The following NRG2 variants were observed in gnomAD, a reference collection of about 807,000 sequenced individuals.
NRG2 encodes the protein neuregulin 2, also known as pro-neuregulin-2, membrane-bound isoform.
NRG2 carries 27 observed loss-of-function variants against 73.9 expected under a neutral mutation model. That is an observed-to-expected ratio of 0.37 (90% CI 0.27 to 0.50). The LOEUF (loss-of-function observed/expected upper bound fraction) is 0.50. Ranked by LOEUF, NRG2 falls within the 20% of genes least tolerant of loss-of-function variation. The pLI, the probability that NRG2 is intolerant of heterozygous loss-of-function variation, is 0.96. For synonymous variants in NRG2, 532 were observed against 541.0 expected, an observed-to-expected ratio of 0.98 and a Z score of 0.23; for missense variants, 1,126 against 1,210.1, an observed-to-expected ratio of 0.93 and a Z score of 1.03.
intron 1 of NRG2, among the ~76,000 whole-genome samples, chr5:139,982,499 C>T (rs560532842): frequency 3.9e-5 from 6 of 152,296 alleles, no homozygotes; most frequent in Admixed American, 3.9e-4. Context: ...TACCACGTGA[C>T]CTGGCACATT....
At chr5:139,914,489 T>C (rs1751093495) in intron 1 of NRG2, among the ~76,000 whole-genome samples, 1 of 152,182 alleles carries the variant, frequency 6.6e-6, no homozygotes, top group Non-Finnish European at 1.5e-5. Context: ...GTTCCCAGTA[T>C]GTGTATATAC....
At chr5:139,882,753 G>A (rs1337388164) in intron 2 of NRG2, among the ~76,000 whole-genome samples, 1 of 152,066 alleles carries the variant, frequency 6.6e-6, no homozygotes, top group Non-Finnish European at 1.5e-5. Flanking sequence ...GATTCTCCTT[G>A]TCACCCCCCT....
In NRG2 at chr5:140,042,397, C is replaced by A. The variant is rs748494274; in HGVS notation, c.673G>T (p.Val225Leu). ...CAGTCAGTGCACAGGATCTTGCCCA[C>A]CTCTTTCTTGAGATTTTTGCCGTTG... is the stretch of plus-strand genomic sequence containing the variant. ...DTNGKNLKKE[V>L]GKILCTDCAT... The change falls in exon 1 of 10, where the codon GTG becomes TTG. Residue 225 changes from valine (V) to leucine (L), a missense_variant. By Grantham distance (32) the Val-to-Leu change is conservative. Coordinates refer to ENST00000361474, the MANE Select transcript of NRG2 (RefSeq NM_004883.3). The A allele has an allele frequency of 3.1e-6, 5 of 1,593,536 alleles. No individual in the cohort carries two copies. Among genetic ancestry groups the A allele is most frequent in the Non-Finnish European group, 3.4e-6 (4 of 1,169,134 alleles).
chr5:139,959,471 G>A (rs1325352206), intron 1 of NRG2, among the ~76,000 whole-genome samples: 1 of 152,212 alleles, frequency 6.6e-6, no homozygotes, highest in East Asian at 1.9e-4. Flanking sequence ...CTGCCTCCTA[G>A]GTTCAAGCGA....
chr5:139,956,334 C>T lies in NRG2; in HGVS notation c.701-68823G>A, dbSNP rs527528671. On this transcript the variant is annotated intron_variant, in intron 1 of 9. Transcript: ENST00000361474. ...CTAGCACCTCCCCCAGAAACCTTCC[C>T]TGACCCCCAACTCACAGTAATCTCC... 8.6e-5 allele frequency among the ~76,000 whole-genome samples: 13 copies of T among 152,034 alleles called. No homozygotes were observed. The East Asian group carries it at 2.3e-3, about 27-fold the overall frequency.
At chr5:139,974,279 C>A (rs549484366) in intron 1 of NRG2, among the ~76,000 whole-genome samples, 96 of 152,166 alleles carry the variant, frequency 6.3e-4, no homozygotes, top group African/African-American at 2.2e-3. Context: ...TATGATGTGA[C>A]AAGGATCCAA....
intron 1 of NRG2, among the ~76,000 whole-genome samples, chr5:140,005,935 T>C (rs1036789596): frequency 1.3e-5 from 2 of 152,190 alleles, no homozygotes; most frequent in Non-Finnish European, 2.9e-5. Flanking sequence ...CTAAGCCTTC[T>C]ACAAAGGCCA....
intron 5 of NRG2, among the ~76,000 whole-genome samples, chr5:139,864,036 C>T (rs1309947414): frequency 6.6e-6 from 1 of 152,202 alleles, no homozygotes; most frequent in African/African-American, 2.4e-5. Flanking sequence ...CCTTTAGCAC[C>T]TCCCAGAGTT....
intron 1 of NRG2, among the ~76,000 whole-genome samples, chr5:139,999,675 C>G (rs116014337): frequency 6.6e-6 from 1 of 152,200 alleles, no homozygotes; most frequent in African/African-American, 2.4e-5. Flanking sequence ...CTCCAAACAT[C>G]GGTCCCTCCT....
intron 1 of NRG2, among the ~76,000 whole-genome samples, chr5:140,015,025 A>G (rs538637769): frequency 6.6e-6 from 1 of 152,194 alleles, no homozygotes; most frequent in African/African-American, 2.4e-5. Context: ...TTTCACCATG[A>G]TATCTACCTG....
At chr5:139,908,679 C>G (rs1765400675) in intron 1 of NRG2, among the ~76,000 whole-genome samples, 1 of 152,192 alleles carries the variant, frequency 6.6e-6, no homozygotes, top group Non-Finnish European at 1.5e-5. Context: ...TATGGTGTTG[C>G]TCAAGAAGAT....
rs1761137103 is a variant in NRG2 at position 139,848,237 on chromosome 5, G to A, written c.2233C>T (p.Arg745Cys). Residue 745 changes from arginine (R) to cysteine (C), a missense_variant, in exon 10 of 10, where the codon CGC becomes TGC. By Grantham distance (180) the Arg-to-Cys change is radical. Transcript: ENST00000361474. ...GCCGCCAGCCCGTTGAGGCGCGAGC[G>A]GCGCCAGCGCCGGGGCCCCGCCGAC... ...RTSAGPRRWR[R>C]SRLNGLAAQR... is the part of the protein sequence containing the mutation. The A allele has an allele frequency of 7.8e-6, 9 of 1,156,530 alleles. No homozygotes were observed. In the South Asian group the frequency reaches 2.1e-4, roughly 27 times the overall value. The allele number at this position is 1,156,530 out of a possible 1,614,324, so 71.6% of individuals were successfully genotyped here.
At chr5:140,007,318 AAACAGGCAGTT>A (rs1177952665) in intron 1 of NRG2, among the ~76,000 whole-genome samples, 2 of 152,120 alleles carry the variant, frequency 1.3e-5, no homozygotes. Context: ...CTTCTGCTTC[AAACAGGCAGTT>A]AACAGACCCC....
intron 1 of NRG2, among the ~76,000 whole-genome samples, chr5:140,012,799 G>C (rs1458438363): frequency 1.3e-5 from 2 of 152,036 alleles, no homozygotes; most frequent in Non-Finnish European, 2.9e-5. Flanking sequence ...ATTCATTCAT[G>C]ATCAATTTTT....
intron 1 of NRG2, among the ~76,000 whole-genome samples, chr5:140,017,198 G>C (rs1759856168): frequency 6.6e-6 from 1 of 152,194 alleles, no homozygotes; most frequent in Non-Finnish European, 1.5e-5. Flanking sequence ...AAGATGTGGG[G>C]AGTGGGTAAG....
At position 139,852,666 on chromosome 5, in the gene NRG2, G is replaced by T; in HGVS notation, c.1417-107C>A. 2 of 1,510,182 alleles carry T rather than the reference G, an allele frequency of 1.3e-6. No homozygotes were observed. Among genetic ancestry groups the T allele is most frequent in the Non-Finnish European group, 1.8e-6 (2 of 1,111,992 alleles). 93.5% of individuals were successfully genotyped at this position (1,510,182 alleles called of 1,614,324 possible). A position where few individuals can be genotyped will look rare whatever the true frequency, so the allele number is the denominator to read the frequency against. On this transcript the variant is annotated intron_variant, in intron 7 of 9. Transcript: ENST00000361474. The surrounding 1 kb of genome is among the most constrained non-coding windows in gnomAD (Gnocchi z 4.4). ...CACTGACTGAGCTCCTGGTTGGGGA[G>T]ACCCACTGTGTGAGAGTGACTTGAT...
chr5:140,043,040 C>A lies in NRG2; in HGVS notation c.30G>T (p.Pro10=). ...ACCGACCCTTCTCCAGTGGCGGCGG[C>A]GGCAGCGCTGAGCAGCAAACCTGCC... is the stretch of plus-strand genomic sequence containing the variant. MRQVCCSAL[P]PPPLEKGRCS... Residue 10 remains proline, a synonymous_variant, in exon 1 of 10, where the codon CCG becomes CCT. Transcript: ENST00000361474. The surrounding 1 kb of genome is among the most constrained non-coding windows in gnomAD (Gnocchi z 6.7). 6.5e-7 allele frequency: 1 copy of A among 1,532,722 alleles called. No homozygotes were observed. The highest frequency in any genetic ancestry group is 8.7e-7 in the Non-Finnish European group (1 of 1,145,736). 94.9% of individuals were successfully genotyped at this position (1,532,722 alleles called of 1,614,324 possible). A position where few individuals can be genotyped will look rare whatever the true frequency, so the allele number is the denominator to read the frequency against.
At chr5:139,907,383 A>G (rs1765301735) in intron 1 of NRG2, among the ~76,000 whole-genome samples, 1 of 152,002 alleles carries the variant, frequency 6.6e-6, no homozygotes, top group Non-Finnish European at 1.5e-5. Flanking sequence ...GTTGTTTTTC[A>G]TTTCCACCTC....
At chr5:139,886,081 T>G (rs1440258189) in intron 2 of NRG2, among the ~76,000 whole-genome samples, 1 of 152,156 alleles carries the variant, frequency 6.6e-6, no homozygotes, top group South Asian at 2.1e-4. Context: ...CACTCGCCAC[T>G]GGCCATGGCA....
Sources: gnomAD v4.1 joint callset for allele counts (sites outside exome capture counted in the v4.1 genomes callset) on GRCh38, gnomAD v4.1.1 for gene constraint, Gnocchi (gnomAD v3.1) non-coding constraint, MANE v1.5 for transcripts, NCBI Gene and HGNC (gene_info 2026-07-23, HGNC 2026-07-21) for gene names.